Variants in IKZF3 observed in about 807,000 individuals in gnomAD.
IKZF3 encodes the protein IKAROS family zinc finger 3.
A neutral mutation model predicts 49.0 loss-of-function variants in IKZF3; 10 were observed. The ratio of observed to expected loss-of-function variants is 0.20; its 90% CI spans 0.13 to 0.35. IKZF3 has a LOEUF of 0.35. IKZF3 is among the 10% of genes least tolerant of loss of function. IKZF3 has a pLI of 1.00. For synonymous variants in IKZF3, 209 were observed against 228.2 expected (o/e 0.92, Z 0.76); for missense variants, 498 against 664.8 (o/e 0.75, Z 2.76).
At chr17:39,811,349 G>A in intron 3 of IKZF3, among the ~76,000 whole-genome samples, 1 of 147,972 alleles carries the variant, frequency 6.8e-6, no homozygotes, top group Non-Finnish European at 1.5e-5. Context: ...GAAAGGGAAA[G>A]AAAGACAGAA....
intron 1 of IKZF3, among the ~76,000 whole-genome samples, chr17:39,858,092 G>A (rs1007582557): frequency 1.3e-5 from 2 of 152,106 alleles, no homozygotes; most frequent in African/African-American, 4.8e-5. Flanking sequence ...ATAATTCAGA[G>A]TAGAAAAATA....
intron 6 of IKZF3, among the ~76,000 whole-genome samples, chr17:39,784,922 C>T (rs2060837231): frequency 6.6e-6 from 1 of 152,194 alleles, no homozygotes; most frequent in Non-Finnish European, 1.5e-5. Context: ...GAAAGTCCTG[C>T]TTCCCCTTGC....
chr17:39,841,911 T>C (rs1215267063), intron 1 of IKZF3, among the ~76,000 whole-genome samples: 2 of 151,012 alleles, frequency 1.3e-5, no homozygotes, highest in African/African-American at 4.9e-5. Flanking sequence ...AAGGGTGTGG[T>C]GAAGTGTGCC....
At chr17:39,808,317 G>A (rs551660176) in intron 3 of IKZF3, among the ~76,000 whole-genome samples, 3 of 152,242 alleles carry the variant, frequency 2.0e-5, no homozygotes, top group African/African-American at 7.2e-5. Flanking sequence ...AAGGGCACCC[G>A]CTACTTGACA....
At position 39,773,901 on chromosome 17, in the gene IKZF3, T is replaced by C. The variant is rs2060506706; in HGVS notation, c.826+3750A>G. Among the ~76,000 whole-genome samples the C allele has an allele frequency of 2.0e-5, 3 of 152,198 alleles. No individual in the cohort carries two copies. In the South Asian group the frequency reaches 6.2e-4, roughly 32 times the overall value. ...TTGAAAAGAACAACTTAAACAGAAT[T>C]ATTCTGACAATGTAAAGATGGTGAT... On this transcript the variant is annotated intron_variant, in intron 7 of 7. Transcript: ENST00000346872.
chr17:39,773,035 T>G (rs1272125023), intron 7 of IKZF3, among the ~76,000 whole-genome samples: 1 of 152,162 alleles, frequency 6.6e-6, no homozygotes, highest in African/African-American at 2.4e-5. Flanking sequence ...CGGCTGGTCT[T>G]GAACTCCTGA....
intron 7 of IKZF3, among the ~76,000 whole-genome samples, chr17:39,774,967 A>G (rs7503018): frequency 0.093 from 14,109 of 152,208 alleles, 1,338 homozygotes; most frequent in African/African-American, 0.25. Context: ...GGTATCAATA[A>G]TTGCTGCCTT....
chr17:39,803,461 A>G (rs1364391497), intron 3 of IKZF3, among the ~76,000 whole-genome samples: 3 of 152,206 alleles, frequency 2.0e-5, no homozygotes, highest in African/African-American at 7.2e-5. Flanking sequence ...ATCCGAAAGA[A>G]AAAAAACTTC....
chr17:39,841,140 G>A (rs1251256911), intron 1 of IKZF3, among the ~76,000 whole-genome samples: 1 of 151,606 alleles, frequency 6.6e-6, no homozygotes, highest in Non-Finnish European at 1.5e-5. Context: ...CAGTGCCACT[G>A]CAGTCCAGCC....
intron 7 of IKZF3, among the ~76,000 whole-genome samples, chr17:39,773,999 GA>G (rs1167199669): frequency 3.8e-4 from 57 of 150,150 alleles, no homozygotes; most frequent in African/African-American, 9.3e-4. Flanking sequence ...TGGAGAATTA[GA>G]AAAAAAAATA....
At position 39,764,205 on chromosome 17, in the gene IKZF3, T is replaced by G. The variant is rs997921304; in HGVS notation, c.*1585A>C. ...AAGGCTGGGTGTGGTGGCTCACACC[T>G]GTAATCCCAGCACTTTAGGAGGCTG... On this transcript the variant is annotated 3_prime_UTR_variant, in exon 8 of 8. Transcript: ENST00000346872. 6.6e-6 allele frequency: 1 copy of G among 151,458 alleles called. No individual in the cohort carries two copies. Among genetic ancestry groups the G allele is most frequent in the Non-Finnish European group, 1.5e-5 (1 of 67,930 alleles). 9.4% of individuals were successfully genotyped at this position (151,458 alleles called of 1,614,324 possible). A position where few individuals can be genotyped will look rare whatever the true frequency, so the allele number is the denominator to read the frequency against.
intron 4 of IKZF3, 102 bp from the exon 5 acceptor site, chr17:39,791,685 C>G: frequency 8.4e-7 from 1 of 1,192,168 alleles, no homozygotes; most frequent in Non-Finnish European, 1.2e-6. Flanking sequence ...TAGACAATTA[C>G]TGTTCACATT....
rs2060132317 is a variant in IKZF3 at position 39,759,481 on chromosome 17, G to A, written c.*6309C>T. ...CAATTTATTCAAACTGCAAAACCCT[G>A]TGTATCTTCATAACAATGGTGGGGC... On this transcript the variant is annotated 3_prime_UTR_variant, in exon 8 of 8. Coordinates refer to ENST00000346872, the MANE Select transcript of IKZF3 (RefSeq NM_012481.5). The A allele has an allele frequency of 6.6e-6, 1 of 152,122 alleles. No homozygotes were observed. Among genetic ancestry groups the A allele is most frequent in the South Asian group, 2.1e-4 (1 of 4,828 alleles). The allele number at this position is 152,122 out of a possible 1,614,324, so 9.4% of individuals were successfully genotyped here.
intron 6 of IKZF3, among the ~76,000 whole-genome samples, chr17:39,780,253 A>AAG (rs974692211): frequency 2.6e-5 from 4 of 152,012 alleles, no homozygotes; most frequent in African/African-American, 9.7e-5. Flanking sequence ...TAAAAAAAAA[A>AAG]AAAAAAGCCC....
At chr17:39,826,986 A>C (rs756737497) in intron 3 of IKZF3, among the ~76,000 whole-genome samples, 1 of 152,302 alleles carries the variant, frequency 6.6e-6, no homozygotes, top group Non-Finnish European at 1.5e-5. Flanking sequence ...CCCAAGGGCT[A>C]CAAATCATTT....
At chr17:39,834,182 C>T (rs1327554598) in intron 1 of IKZF3, among the ~76,000 whole-genome samples, 1 of 152,164 alleles carries the variant, frequency 6.6e-6, no homozygotes, top group Non-Finnish European at 1.5e-5. Flanking sequence ...CATATGCTTT[C>T]ATGTCTCTTG....
At chr17:39,857,894 T>C (rs980366267) in intron 1 of IKZF3, among the ~76,000 whole-genome samples, 6 of 148,634 alleles carry the variant, frequency 4.0e-5, no homozygotes, top group African/African-American at 1.5e-4. Context: ...GAGGATGAGG[T>C]GGGAGGATCG....
intron 3 of IKZF3, among the ~76,000 whole-genome samples, chr17:39,813,694 G>A (rs957559531): frequency 6.6e-6 from 1 of 151,886 alleles, no homozygotes; most frequent in Non-Finnish European, 1.5e-5. Flanking sequence ...GAACTTACCC[G>A]TTTGACACAG....
chr17:39,799,781 C>T (rs1014425870), intron 3 of IKZF3, among the ~76,000 whole-genome samples: 3 of 152,196 alleles, frequency 2.0e-5, no homozygotes, highest in African/African-American at 7.2e-5. Context: ...TTCAAACTTC[C>T]ACATGCAGTT....
Sources: gnomAD v4.1 joint callset for allele counts (sites outside exome capture counted in the v4.1 genomes callset) on GRCh38, gnomAD v4.1.1 for gene constraint, MANE v1.5 for transcripts, NCBI Gene and HGNC (gene_info 2026-07-23, HGNC 2026-07-21) for gene names.